Variants in PDE4D observed in about 807,000 individuals in gnomAD.
The protein encoded by PDE4D is 3',5'-cyclic-AMP phosphodiesterase 4D.
PDE4D carries 24 observed loss-of-function variants against 87.4 expected under a neutral mutation model. The observed-to-expected ratio is 0.27, with a 90% CI of 0.20 to 0.39. PDE4D has a LOEUF of 0.39. Among genes scored for constraint, PDE4D ranks in the 10% least tolerant of loss-of-function variants. PDE4D has a pLI of 1.00. For missense variants in PDE4D, 714 were observed against 1,041.0 expected (o/e 0.69, Z 4.32); for synonymous variants, 384 against 383.2 (o/e 1.00, Z -0.02).
intron 1 of PDE4D, among the ~76,000 whole-genome samples, chr5:60,333,823 G>GA (rs1554207851): frequency 1.3e-5 from 2 of 151,682 alleles, no homozygotes; most frequent in Non-Finnish European, 2.9e-5. Context: ...CAAACTTCAG[G>GA]TTTTTTTTCA....
chr5:60,185,430 A>T, intron 2 of PDE4D: 1 of 577,028 alleles, frequency 1.7e-6, no homozygotes, highest in South Asian at 2.1e-5. Flanking sequence ...ACAGTCAGAG[A>T]ACTGAAAGTT....
At chr5:60,146,329 C>T (rs530518545) in intron 2 of PDE4D, among the ~76,000 whole-genome samples, 11 of 152,310 alleles carry the variant, frequency 7.2e-5, no homozygotes, top group Non-Finnish European at 1.3e-4. Context: ...ATTTCTACAT[C>T]GTGCAATATT....
At chr5:60,004,230 C>T (rs1311696932) in intron 2 of PDE4D, among the ~76,000 whole-genome samples, 1 of 152,094 alleles carries the variant, frequency 6.6e-6, no homozygotes, top group African/African-American at 2.4e-5. Context: ...ATATTTTCTA[C>T]ATATGGATGA....
intron 3 of PDE4D, among the ~76,000 whole-genome samples, chr5:59,899,672 G>A (rs1752027765): frequency 6.6e-6 from 1 of 152,162 alleles, no homozygotes; most frequent in Non-Finnish European, 1.5e-5. Flanking sequence ...TGGCTGGCAA[G>A]TTAGGCTTAT....
At chr5:59,987,825 T>C (rs901579831) in intron 3 of PDE4D, 1 of 152,286 alleles carries the variant, frequency 6.6e-6, no homozygotes, top group African/African-American at 2.4e-5. Context: ...TGCTTTAAAG[T>C]GTAAAACTCC....
chr5:59,097,999 C>T (rs531506752), intron 5 of PDE4D, among the ~76,000 whole-genome samples: 1 of 152,178 alleles, frequency 6.6e-6, no homozygotes, highest in Non-Finnish European at 1.5e-5. Context: ...AAAATGTGAA[C>T]TTGCCATTAA....
chr5:59,702,046 G>A (rs189354571), intron 1 of PDE4D, among the ~76,000 whole-genome samples: 1 of 152,222 alleles, frequency 6.6e-6, no homozygotes, highest in South Asian at 2.1e-4. Context: ...AGGGAAGCTA[G>A]GTGAAAGAGG....
At chr5:59,258,730 T>C (rs144214185) in intron 1 of PDE4D, among the ~76,000 whole-genome samples, 2 of 148,662 alleles carry the variant, frequency 1.3e-5, no homozygotes, top group East Asian at 3.9e-4. Context: ...TAGATATATA[T>C]ATCAGTTAGA....
At chr5:60,416,808 A>G (rs1017752055) in intron 1 of PDE4D, among the ~76,000 whole-genome samples, 1 of 152,352 alleles carries the variant, frequency 6.6e-6, no homozygotes, top group African/African-American at 2.4e-5. Context: ...AGGTAAAAAC[A>G]GCTTGGGAAT....
chr5:58,993,429 A>C lies in PDE4D; in HGVS notation c.958T>G (p.Ser320Ala). 1 of 1,602,134 alleles carries C rather than the reference A, an allele frequency of 6.2e-7. No homozygotes were observed. Among genetic ancestry groups the C allele is most frequent in the Non-Finnish European group, 8.5e-7 (1 of 1,175,040 alleles). ...TGATTTCCAGACCGACTCATTTCAG[A>C]GAGATGGGTGAGCTCCCGATTAAGC... The part of the protein sequence containing the change: ...RMLNRELTHL[S>A]EMSRSGNQVS... Residue 320 changes from serine to alanine, a missense_variant, in exon 7 of 15, where the codon TCT (serine) becomes GCT (alanine). Ser to Ala is a moderately conservative substitution (Grantham distance 99, BLOSUM62 1). Transcript: ENST00000340635.
At chr5:59,550,872 T>A (rs1235766196) in intron 1 of PDE4D, among the ~76,000 whole-genome samples, 2 of 151,772 alleles carry the variant, frequency 1.3e-5, no homozygotes, top group South Asian at 4.2e-4. Context: ...AATTTTTGTA[T>A]TTTTTAGTAG....
At chr5:59,503,676 G>A (rs1347566776) in intron 1 of PDE4D, among the ~76,000 whole-genome samples, 1 of 152,018 alleles carries the variant, frequency 6.6e-6, no homozygotes. Flanking sequence ...TTCAAGTTTG[G>A]TTTCATCCTG....
intron 5 of PDE4D, among the ~76,000 whole-genome samples, chr5:59,058,021 T>C (rs557642172): frequency 1.3e-5 from 2 of 152,328 alleles, no homozygotes; most frequent in South Asian, 2.1e-4. Flanking sequence ...ATCACAATTA[T>C]GTGTTTATTA....
At chr5:59,418,920 G>A (rs1216751327) in intron 1 of PDE4D, among the ~76,000 whole-genome samples, 2 of 152,174 alleles carry the variant, frequency 1.3e-5, no homozygotes, top group Admixed American at 1.3e-4. Flanking sequence ...AGACTGCTAG[G>A]ATTATGGGTG....
chr5:59,567,784 T>C (rs551235629), intron 1 of PDE4D, among the ~76,000 whole-genome samples: 81 of 152,280 alleles, frequency 5.3e-4, no homozygotes, highest in African/African-American at 1.9e-3. Flanking sequence ...GAGTGGAAGA[T>C]TATAGATAAG....
At chr5:59,387,528 C>G (rs1244256901) in intron 1 of PDE4D, among the ~76,000 whole-genome samples, 1 of 152,070 alleles carries the variant, frequency 6.6e-6, no homozygotes, top group Non-Finnish European at 1.5e-5. Context: ...AAACAGAAAA[C>G]TAATAGTTCC....
intron 1 of PDE4D, among the ~76,000 whole-genome samples, chr5:59,708,462 A>G (rs959038081): frequency 2.6e-5 from 4 of 152,172 alleles, no homozygotes; most frequent in African/African-American, 9.7e-5. Context: ...AGACATAATA[A>G]AAAATGATCT....
At chr5:60,307,268 G>A (rs932456844) in intron 1 of PDE4D, among the ~76,000 whole-genome samples, 4 of 152,098 alleles carry the variant, frequency 2.6e-5, no homozygotes, top group Non-Finnish European at 5.9e-5. Context: ...TACAATGGGA[G>A]TTATGTCATT....
chr5:59,844,955 C>T (rs956075138), intron 1 of PDE4D, among the ~76,000 whole-genome samples: 7 of 151,970 alleles, frequency 4.6e-5, no homozygotes, highest in African/African-American at 1.4e-4. Context: ...TAAGTGGCCA[C>T]GTTGTGAGAG....
Sources: gnomAD v4.1 joint callset for allele counts (sites outside exome capture counted in the v4.1 genomes callset) on GRCh38, gnomAD v4.1.1 for gene constraint, MANE v1.5 for transcripts, NCBI Gene and HGNC (gene_info 2026-07-23, HGNC 2026-07-21) for gene names.